The following CACNA2D1 variants were observed in gnomAD, a reference collection of about 807,000 sequenced individuals.
CACNA2D1 encodes the protein calcium voltage-gated channel auxiliary subunit alpha2delta 1.
CACNA2D1 carries 53 observed loss-of-function variants against 171.5 expected under a neutral mutation model. The ratio of observed to expected loss-of-function variants is 0.31; its 90% CI spans 0.25 to 0.39. CACNA2D1 has a LOEUF of 0.39. Ranked by LOEUF, CACNA2D1 falls within the 10% of genes least tolerant of loss-of-function variation. The probability of loss-of-function intolerance (pLI) is 1.00; values close to 1 mark genes in which losing one functional copy is unlikely to be tolerated. For missense variants in CACNA2D1, 903 were observed against 1,299.8 expected, an observed-to-expected ratio of 0.69 and a Z score of 4.69; for synonymous variants, 442 against 443.1, an observed-to-expected ratio of 1.00 and a Z score of 0.03.
Position 82,012,254 on chromosome 7 carries a change from G to GAAAAAAA in CACNA2D1, c.1273-18_1273-12dup. On this transcript the variant is annotated splice_polypyrimidine_tract_variant and intron_variant, in intron 14 of 38. Transcript: ENST00000356860. ...AACATCCAAATATTCCTGTTTATGG[G>GAAAAAAA]AAAAAAAAAAAAAGTCGTGGTTAAA... 53 of 1,223,286 alleles carry GAAAAAAA rather than the reference G, an allele frequency of 4.3e-5. No homozygotes were observed. The highest frequency in any genetic ancestry group is 8.0e-5 in the African/African-American group (5 of 62,820). 75.8% of individuals were successfully genotyped at this position (1,223,286 alleles called of 1,614,324 possible). A position where few individuals can be genotyped will look rare whatever the true frequency, so the allele number is the denominator to read the frequency against.
chr7:82,146,396 A>G (rs1342205550), intron 4 of CACNA2D1, among the ~76,000 whole-genome samples: 1 of 146,020 alleles, frequency 6.8e-6, no homozygotes, highest in Non-Finnish European at 1.5e-5. Context: ...TTATATATAT[A>G]AAGATATATA....
At chr7:82,308,387 G>A (rs1477171154) in intron 3 of CACNA2D1, among the ~76,000 whole-genome samples, 2 of 152,178 alleles carry the variant, frequency 1.3e-5, no homozygotes, top group East Asian at 3.8e-4. Flanking sequence ...CACAGCGAAG[G>A]TGCCATTGTC....
intron 3 of CACNA2D1, among the ~76,000 whole-genome samples, chr7:82,174,283 T>C (rs1002783085): frequency 6.6e-6 from 1 of 152,012 alleles, no homozygotes; most frequent in Admixed American, 6.6e-5. Flanking sequence ...TGGATTACAA[T>C]GAATACCTAT....
In CACNA2D1 at chr7:82,178,973, A is replaced by T. The variant is rs573625127; in HGVS notation, c.295-8364T>A. Among the ~76,000 whole-genome samples, 13 of 152,258 alleles carry T rather than the reference A, an allele frequency of 8.5e-5. No homozygotes were observed. In the South Asian group the frequency reaches 2.7e-3, roughly 32 times the overall value. On this transcript the variant is annotated intron_variant, in intron 3 of 38. Coordinates refer to ENST00000356860, the MANE Select transcript of CACNA2D1 (RefSeq NM_000722.4). ...TCCAAGCATTTTCAAGGTTGTATCA[A>T]CATCTATAACTAGGTTCACCAAGTC...
chr7:82,250,498 A>C (rs930513119), intron 3 of CACNA2D1, among the ~76,000 whole-genome samples: 1 of 152,192 alleles, frequency 6.6e-6, no homozygotes, highest in African/African-American at 2.4e-5. Context: ...AAGTAGGTAC[A>C]TACAGGCAAT....
intron 3 of CACNA2D1, among the ~76,000 whole-genome samples, chr7:82,293,433 T>A (rs1018084851): frequency 1.4e-4 from 21 of 152,188 alleles, no homozygotes; most frequent in African/African-American, 5.1e-4. Context: ...CATGGGCAGG[T>A]TTGCTAACAG....
chr7:82,171,660 T>G (rs546014386), intron 3 of CACNA2D1, among the ~76,000 whole-genome samples: 7 of 152,140 alleles, frequency 4.6e-5, no homozygotes, highest in African/African-American at 1.7e-4. Context: ...AGAGTAATGG[T>G]TCTGTTTTCT....
At chr7:82,017,890 T>A (rs1283771484) in intron 12 of CACNA2D1, among the ~76,000 whole-genome samples, 1 of 151,988 alleles carries the variant, frequency 6.6e-6, no homozygotes, top group East Asian at 1.9e-4. Flanking sequence ...TTAGAGGAGG[T>A]CTACATCCAG....
chr7:82,389,329 C>T (rs1824819826), intron 1 of CACNA2D1, among the ~76,000 whole-genome samples: 1 of 151,432 alleles, frequency 6.6e-6, no homozygotes, highest in Non-Finnish European at 1.5e-5. Context: ...TCTCTGCCAC[C>T]CTGCAAACCT....
intron 2 of CACNA2D1, among the ~76,000 whole-genome samples, chr7:82,348,253 A>G (rs1473432270): frequency 2.0e-5 from 3 of 152,222 alleles, no homozygotes. Context: ...TGACTTTCAT[A>G]GAGGCTCACT....
intron 38 of CACNA2D1, among the ~76,000 whole-genome samples, chr7:81,952,055 G>GT (rs1358098185): frequency 1.4e-5 from 2 of 142,058 alleles, no homozygotes; most frequent in Non-Finnish European, 3.0e-5. Context: ...TCACATTGTG[G>GT]TTTTAACATG....
At chr7:82,106,036 A>G (rs1459730589) in intron 6 of CACNA2D1, among the ~76,000 whole-genome samples, 2 of 152,142 alleles carry the variant, frequency 1.3e-5, no homozygotes, top group Non-Finnish European at 2.9e-5. Flanking sequence ...CTAATGACAA[A>G]TGTTGACTAA....
intron 1 of CACNA2D1, among the ~76,000 whole-genome samples, chr7:82,406,099 C>A (rs1563506718): frequency 6.6e-6 from 1 of 152,000 alleles, no homozygotes; most frequent in African/African-American, 2.4e-5. Context: ...TCCAAGTGTT[C>A]TCACTGTTCA....
chr7:82,426,347 A>G (rs1053377686), intron 1 of CACNA2D1, among the ~76,000 whole-genome samples: 2 of 151,882 alleles, frequency 1.3e-5, no homozygotes, highest in Non-Finnish European at 2.9e-5. Context: ...TAGGAGGAAA[A>G]CTCATCAACT....
At chr7:82,249,733 G>C (rs894485926) in intron 3 of CACNA2D1, among the ~76,000 whole-genome samples, 1 of 152,044 alleles carries the variant, frequency 6.6e-6, no homozygotes, top group Non-Finnish European at 1.5e-5. Context: ...AATCATGCAC[G>C]CATGTTGTGC....
intron 3 of CACNA2D1, among the ~76,000 whole-genome samples, chr7:82,174,363 T>A (rs1319956169): frequency 6.6e-6 from 1 of 152,082 alleles, no homozygotes; most frequent in Non-Finnish European, 1.5e-5. Context: ...GGCTTTATTG[T>A]AACTGAGATA....
At chr7:82,370,894 T>C (rs1280279428) in intron 1 of CACNA2D1, among the ~76,000 whole-genome samples, 1 of 152,116 alleles carries the variant, frequency 6.6e-6, no homozygotes, top group Non-Finnish European at 1.5e-5. Context: ...TTAAAATAAT[T>C]AATGAAAAGA....
intron 10 of CACNA2D1, among the ~76,000 whole-genome samples, chr7:82,055,613 G>A (rs993264224): frequency 6.6e-6 from 1 of 151,348 alleles, no homozygotes; most frequent in African/African-American, 2.4e-5. Flanking sequence ...GTCCTTTGTA[G>A]GGACATGGAT....
intron 26 of CACNA2D1, chr7:81,971,150 T>C (rs1795223398): frequency 4.5e-6 from 1 of 221,952 alleles, no homozygotes. Context: ...TAATGAATGA[T>C]TTTGAATTCC....
Sources: gnomAD v4.1 joint callset for allele counts (sites outside exome capture counted in the v4.1 genomes callset) on GRCh38, gnomAD v4.1.1 for gene constraint, MANE v1.5 for transcripts, NCBI Gene and HGNC (gene_info 2026-07-23, HGNC 2026-07-21) for gene names.